SORCS2: variants seen among roughly 807,000 people sequenced by gnomAD.
The protein encoded by SORCS2 is sortilin related VPS10 domain containing receptor 2.
In SORCS2, 100 loss-of-function variants were observed where a neutral mutation model predicts 141.6. That is an observed-to-expected ratio of 0.71 (90% CI 0.60 to 0.83). The LOEUF (loss-of-function observed/expected upper bound fraction) is 0.83. SORCS2 is among the 40% of genes least tolerant of loss of function. SORCS2 has a pLI of 0.00. For missense variants in SORCS2, 1,646 were observed against 1,560.2 expected (o/e 1.05, Z -0.93); for synonymous variants, 789 against 676.9 (o/e 1.17, Z -2.57).
At chr4:7,392,522 G>C (rs1238759506) in intron 1 of SORCS2, among the ~76,000 whole-genome samples, 1 of 152,164 alleles carries the variant, frequency 6.6e-6, no homozygotes, top group Non-Finnish European at 1.5e-5. Context: ...GGCTCACGGG[G>C]GTTTAGGGGT....
At chr4:7,499,635 A>G (rs1451606176) in intron 2 of SORCS2, among the ~76,000 whole-genome samples, 1 of 151,940 alleles carries the variant, frequency 6.6e-6, no homozygotes, top group Non-Finnish European at 1.5e-5. Context: ...CAAGATGGAG[A>G]ACCACACAGG....
At chr4:7,294,676 TCCTCCTC>T (rs1716844094) in intron 1 of SORCS2, among the ~76,000 whole-genome samples, 1 of 100,928 alleles carries the variant, frequency 9.9e-6, no homozygotes, top group African/African-American at 3.9e-5. Flanking sequence ...TCCCTCCTCC[TCCTCCTC>T]CTCCCCCTCA....
chr4:7,332,104 C>T (rs1278554931), intron 1 of SORCS2, among the ~76,000 whole-genome samples: 1 of 152,202 alleles, frequency 6.6e-6, no homozygotes, highest in Non-Finnish European at 1.5e-5. Flanking sequence ...TTAGTGAGCA[C>T]CAACTGTGTG....
rs894749825 is a variant in SORCS2, at chr4:7,694,999, G to A, written c.1592-2199G>A. Among the ~76,000 whole-genome samples the A allele has an allele frequency of 2.6e-5, 4 of 151,934 alleles. 1 individual carries two copies. The East Asian group carries it at 5.9e-4, about 23-fold the overall frequency. On this transcript the variant is annotated intron_variant, in intron 11 of 26. Transcript: ENST00000507866. ...GTCCTGGCTCTGTGTTCACCTGCAC[G>A]GCCACCCTTGTCTGCTAGATTCAGA...
In SORCS2 at chr4:7,526,009, CCCT is replaced by C. The variant is rs756294446; in HGVS notation, c.549-5516_549-5514del. Reference sequence around the variant, plus strand: ...CACCTGTCCCCTGCAGTCACCTGTCCCCTCCTCAGTCACCTGTCCCCTCCTCAC... The same window carrying C: ...CACCTGTCCCCTGCAGTCACCTGTCCCCTCAGTCACCTGTCCCCTCCTCAC... On this transcript the variant is annotated intron_variant, in intron 2 of 26. Coordinates refer to ENST00000507866, the MANE Select transcript of SORCS2 (RefSeq NM_020777.3). 1.9e-4 allele frequency among the ~76,000 whole-genome samples: 24 copies of C among 127,926 alleles called. 1 individual carries two copies. Among genetic ancestry groups the C allele is most frequent in the Middle Eastern group, 3.6e-3 (1 of 274 alleles). 83.9% of individuals were successfully genotyped at this position (127,926 alleles called of 152,430 possible). A position where few individuals can be genotyped will look rare whatever the true frequency, so the allele number is the denominator to read the frequency against.
chr4:7,468,275 G>A (rs1371530458), intron 2 of SORCS2, among the ~76,000 whole-genome samples: 1 of 152,294 alleles, frequency 6.6e-6, no homozygotes, highest in Middle Eastern at 3.4e-3. Flanking sequence ...TATTAACATC[G>A]TCATGGGTCG....
intron 1 of SORCS2, among the ~76,000 whole-genome samples, chr4:7,272,599 G>C (rs1331981862): frequency 2.0e-5 from 3 of 152,250 alleles, no homozygotes; most frequent in African/African-American, 7.2e-5. Context: ...CTTCCTCAGA[G>C]GTGAGACCTT....
intron 1 of SORCS2, among the ~76,000 whole-genome samples, chr4:7,296,920 C>T (rs1395948139): frequency 3.9e-5 from 6 of 152,334 alleles, no homozygotes; most frequent in African/African-American, 1.4e-4. Flanking sequence ...TCCGCGTGCC[C>T]GGCCTGGTGT....
chr4:7,407,498 C>T (rs1288576600), intron 2 of SORCS2, among the ~76,000 whole-genome samples: 2 of 152,122 alleles, frequency 1.3e-5, no homozygotes, highest in African/African-American at 2.4e-5. Context: ...AATAGAGCTA[C>T]TCCTGCTCTT....
At chr4:7,238,295 G>GT (rs1304756242) in intron 1 of SORCS2, among the ~76,000 whole-genome samples, 1 of 152,118 alleles carries the variant, frequency 6.6e-6, no homozygotes, top group Non-Finnish European at 1.5e-5. Context: ...GAGTCTGGGG[G>GT]GGGTTGCTGG....
At chr4:7,637,071 T>C (rs569143388) in intron 3 of SORCS2, among the ~76,000 whole-genome samples, 28 of 152,190 alleles carry the variant, frequency 1.8e-4, no homozygotes, top group Non-Finnish European at 4.0e-4. Flanking sequence ...ATGCCAGTCA[T>C]TGAATTTACG....
At chr4:7,690,896 G>T (rs568106809) in intron 11 of SORCS2, among the ~76,000 whole-genome samples, 10 of 152,280 alleles carry the variant, frequency 6.6e-5, no homozygotes, top group Admixed American at 2.0e-4. Flanking sequence ...CAAGAATCCT[G>T]GTGTACTGAT....
At chr4:7,389,613 G>A (rs574885365) in intron 1 of SORCS2, among the ~76,000 whole-genome samples, 1 of 152,358 alleles carries the variant, frequency 6.6e-6, no homozygotes, top group Admixed American at 6.5e-5. Context: ...GGAGATGGAG[G>A]TGTCTGAGGC....
At chr4:7,348,439 C>G (rs1320626187) in intron 1 of SORCS2, among the ~76,000 whole-genome samples, 1 of 152,178 alleles carries the variant, frequency 6.6e-6, no homozygotes, top group Non-Finnish European at 1.5e-5. Flanking sequence ...CCACAATGGC[C>G]CCACTACTGT....
rs1210945032 is a variant in SORCS2 at position 7,717,888 on chromosome 4, A to G, written c.2253-124A>G. 3 of 992,252 alleles carry G rather than the reference A, an allele frequency of 3.0e-6. No homozygotes were observed. In the African/African-American group the frequency reaches 5.1e-5, roughly 17 times the overall value. 61.5% of individuals were successfully genotyped at this position (992,252 alleles called of 1,614,324 possible). A position where few individuals can be genotyped will look rare whatever the true frequency, so the allele number is the denominator to read the frequency against. On this transcript the variant is annotated intron_variant, in intron 17 of 26. Coordinates refer to ENST00000507866, the MANE Select transcript of SORCS2 (RefSeq NM_020777.3). ...AGGAGGTGACTGGGAGTTAGCAAGT[A>G]GAGTCCTAGGGGTGGGAAGCCAAGT...
In SORCS2 at chr4:7,365,217, C is replaced by T. The variant is rs140328113; in HGVS notation, c.481-31071C>T. Among the ~76,000 whole-genome samples the T allele has an allele frequency of 8.9e-4, 135 of 152,302 alleles. No individual in the cohort carries two copies. In the East Asian group the frequency reaches 0.02, roughly 22 times the overall value. On this transcript the variant is annotated intron_variant, in intron 1 of 26. Transcript: ENST00000507866. ...GCTGATAGGACTGGTATTTTGAAAA[C>T]ATGGCCCTGGCTGCAGCATGGAGGA...
chr4:7,536,836 G>T (rs36015685), intron 3 of SORCS2, among the ~76,000 whole-genome samples: 107,388 of 145,706 alleles, frequency 0.74, 41,361 homozygotes, highest in East Asian at 0.91. Flanking sequence ...CAGATGTGGG[G>T]GGGGGGGGCG....
At chr4:7,697,874 AC>A (rs1203579232) in intron 12 of SORCS2, among the ~76,000 whole-genome samples, 2 of 97,028 alleles carry the variant, frequency 2.1e-5, no homozygotes, top group Non-Finnish European at 2.1e-5. Context: ...GTGCACACTT[AC>A]GCAGGATGCG....
intron 1 of SORCS2, among the ~76,000 whole-genome samples, chr4:7,305,428 G>C (rs187861280): frequency 6.6e-6 from 1 of 150,832 alleles, no homozygotes; most frequent in Non-Finnish European, 1.5e-5. Context: ...AGGGGTGCCC[G>C]GCCAGTGCTA....
Sources: allele counts gnomAD v4.1 joint callset (sites outside exome capture counted in the v4.1 genomes callset), GRCh38; gene constraint gnomAD v4.1.1; transcripts MANE v1.5; gene names NCBI Gene and HGNC (gene_info 2026-07-23, HGNC 2026-07-21).